Variants in B3GLCT observed in about 807,000 individuals in gnomAD.
B3GLCT encodes the protein beta 3-glucosyltransferase, also known as beta-1,3-glucosyltransferase.
B3GLCT carries 65 observed loss-of-function variants against 63.4 expected under a neutral mutation model. The observed-to-expected ratio is 1.03, with a 90% confidence interval of 0.84 to 1.26. The LOEUF (loss-of-function observed/expected upper bound fraction) is 1.26, where lower values mean the gene tolerates loss of function less well. Ranked by LOEUF, B3GLCT falls within the 50% of genes most tolerant of loss-of-function variation. The probability of loss-of-function intolerance (pLI) is 0.00; values close to 1 mark genes in which losing one functional copy is unlikely to be tolerated. For missense variants in B3GLCT, 577 were observed against 604.8 expected (o/e 0.95, Z 0.48); for synonymous variants, 233 against 219.2 (o/e 1.06, Z -0.55).
chr13:31,210,503 T>C (rs560790051), intron 1 of B3GLCT, among the ~76,000 whole-genome samples: 1 of 152,314 alleles, frequency 6.6e-6, no homozygotes, highest in Admixed American at 6.5e-5. Flanking sequence ...TCTTTGTCAG[T>C]CACCAGCCCA....
intron 12 of B3GLCT, among the ~76,000 whole-genome samples, chr13:31,310,844 A>G (rs1379897719): frequency 6.6e-6 from 1 of 152,194 alleles, no homozygotes; most frequent in Non-Finnish European, 1.5e-5. Context: ...CCCCTTGTCC[A>G]GATGCTGGCA....
chr13:31,245,137 G>T (rs1437580828), intron 4 of B3GLCT, among the ~76,000 whole-genome samples: 1 of 152,060 alleles, frequency 6.6e-6, no homozygotes, highest in Non-Finnish European at 1.5e-5. Context: ...GTGATTCCTT[G>T]TTTGCACTAC....
At chr13:31,328,557 G>A (rs1160258567) in intron 14 of B3GLCT, among the ~76,000 whole-genome samples, 2 of 151,896 alleles carry the variant, frequency 1.3e-5, no homozygotes, top group Non-Finnish European at 2.9e-5. Context: ...GCCAGGCATG[G>A]TAGTGCATGC....
intron 1 of B3GLCT, among the ~76,000 whole-genome samples, chr13:31,200,555 C>T (rs1226279984): frequency 6.6e-6 from 1 of 150,612 alleles, no homozygotes; most frequent in Non-Finnish European, 1.5e-5. Flanking sequence ...GCGGCGGCGG[C>T]GGTCCCGCCC....
intron 5 of B3GLCT, among the ~76,000 whole-genome samples, chr13:31,247,436 C>A (rs1871246493): frequency 6.6e-6 from 1 of 152,100 alleles, no homozygotes; most frequent in Admixed American, 6.5e-5. Flanking sequence ...CCACCACTCC[C>A]AGTTATTTTT....
intron 6 of B3GLCT, among the ~76,000 whole-genome samples, chr13:31,257,659 G>A (rs1871809735): frequency 6.6e-6 from 1 of 151,928 alleles, no homozygotes; most frequent in African/African-American, 2.4e-5. Flanking sequence ...AAATACCTAA[G>A]AGTACTCATG....
intron 4 of B3GLCT, among the ~76,000 whole-genome samples, chr13:31,239,287 T>C (rs1437246296): frequency 6.6e-6 from 1 of 152,160 alleles, no homozygotes; most frequent in Non-Finnish European, 1.5e-5. Flanking sequence ...GAAGAAGAGC[T>C]ATTTTTTTCC....
chr13:31,329,583 T>C lies in B3GLCT; in HGVS notation c.1412T>C (p.Val471Ala). ...SFHKHWNIDP[V>A]KVYFTWLAPS... Reference sequence around the variant, plus strand: ...CACAAACACTGGAACATCGATCCAGTGAAGGTGTATTTCACATGGTTGGCA... The same window carrying C: ...CACAAACACTGGAACATCGATCCAGCGAAGGTGTATTTCACATGGTTGGCA... The change falls in exon 15 of 15, where the codon GTG becomes GCG. Residue 471 changes from valine to alanine, a missense_variant. Transcript: ENST00000343307. 1 of 1,614,110 alleles carries C rather than the reference T, an allele frequency of 6.2e-7. No homozygotes were observed. Among genetic ancestry groups the C allele is most frequent in the Non-Finnish European group, 8.5e-7 (1 of 1,179,996 alleles).
At chr13:31,239,253 T>A (rs1453614899) in intron 4 of B3GLCT, among the ~76,000 whole-genome samples, 1 of 152,204 alleles carries the variant, frequency 6.6e-6, no homozygotes, top group Non-Finnish European at 1.5e-5. Flanking sequence ...AATGCAGATC[T>A]GCACATAGAG....
chr13:31,284,803 A>G (rs377303903), intron 11 of B3GLCT, 42 bp downstream of exon 11: 5 of 1,056,698 alleles, frequency 4.7e-6, no homozygotes, highest in East Asian at 2.4e-5. Context: ...AAACATTGCC[A>G]TTCTGTAAAT....
intron 3 of B3GLCT, among the ~76,000 whole-genome samples, chr13:31,228,388 G>A (rs902298960): frequency 6.6e-6 from 1 of 152,204 alleles, no homozygotes; most frequent in African/African-American, 2.4e-5. Flanking sequence ...GTAGTAGTGA[G>A]CTAGGACTAC....
At chr13:31,262,233 T>C (rs117809573) in intron 7 of B3GLCT, among the ~76,000 whole-genome samples, 25 of 152,270 alleles carry the variant, frequency 1.6e-4, no homozygotes, top group Non-Finnish European at 3.1e-4. Context: ...TTACTCAGAC[T>C]TTCCAGTAAT....
chr13:31,242,026 C>T (rs1870973904), intron 4 of B3GLCT, among the ~76,000 whole-genome samples: 1 of 152,150 alleles, frequency 6.6e-6, no homozygotes, highest in Admixed American at 6.5e-5. Context: ...ATGCTGTTTT[C>T]AAGCATCAGC....
chr13:31,320,612 G>T (rs1446649189), intron 13 of B3GLCT, among the ~76,000 whole-genome samples: 1 of 152,110 alleles, frequency 6.6e-6, no homozygotes, highest in Non-Finnish European at 1.5e-5. Context: ...TGCATCTTCT[G>T]ATATCCTAAC....
chr13:31,200,103 T>C lies in B3GLCT; in HGVS notation c.19T>C (p.Trp7Arg). ...CGCCAGGATGCGGCCGCCCGCCTGCTGGTGGCTGCTCGCGCCGCCGGCGCT... is the reference window on the plus strand; with the variant it reads ...CGCCAGGATGCGGCCGCCCGCCTGCCGGTGGCTGCTCGCGCCGCCGGCGCT... MRPPACWWLLAPPALLA... is the reference protein window; with the variant it reads MRPPACRWLLAPPALLA... The change falls in exon 1 of 15, where the codon TGG becomes CGG. Residue 7 changes from tryptophan to arginine, a missense_variant. By Grantham distance (101) the Trp-to-Arg change is moderately radical. Transcript: ENST00000343307. 3.6e-6 allele frequency: 5 copies of C among 1,376,122 alleles called. No individual in the cohort carries two copies. Among genetic ancestry groups the C allele is most frequent in the Non-Finnish European group, 4.7e-6 (5 of 1,055,098 alleles). The allele number at this position is 1,376,122 out of a possible 1,614,324, so 85.2% of individuals were successfully genotyped here.
At chr13:31,210,042 G>A (rs1004533655) in intron 1 of B3GLCT, among the ~76,000 whole-genome samples, 3 of 152,202 alleles carry the variant, frequency 2.0e-5, no homozygotes, top group African/African-American at 4.8e-5. Flanking sequence ...TTACTCGCCA[G>A]TTTTCTTGCA....
intron 12 of B3GLCT, among the ~76,000 whole-genome samples, chr13:31,300,204 G>A (rs777236305): frequency 6.6e-6 from 1 of 152,084 alleles, no homozygotes; most frequent in Non-Finnish European, 1.5e-5. Flanking sequence ...AGTTTTAGGG[G>A]AAAAGAGTCC....
chr13:31,327,929 A>G (rs1875717019), intron 14 of B3GLCT, among the ~76,000 whole-genome samples: 1 of 152,194 alleles, frequency 6.6e-6, no homozygotes, highest in African/African-American at 2.4e-5. Flanking sequence ...CACTCATCTG[A>G]GCAGTATATT....
chr13:31,316,249 T>C (rs1222948146), intron 12 of B3GLCT, among the ~76,000 whole-genome samples: 1 of 150,818 alleles, frequency 6.6e-6, no homozygotes, highest in Non-Finnish European at 1.5e-5. Context: ...TCTGTGCACC[T>C]TGGAAAAGCC....
Sources: allele counts gnomAD v4.1 joint callset (sites outside exome capture counted in the v4.1 genomes callset), GRCh38; gene constraint gnomAD v4.1.1; transcripts MANE v1.5; gene names NCBI Gene and HGNC (gene_info 2026-07-23, HGNC 2026-07-21).